COMMD1: variants seen among roughly 807,000 people sequenced by gnomAD.
COMMD1 encodes COMM domain-containing protein 1.
COMMD1 carries 10 observed loss-of-function variants against 17.2 expected under a neutral mutation model. The observed-to-expected ratio is 0.58, with a 90% CI of 0.36 to 0.99. The LOEUF is 0.99. Among genes scored for constraint, COMMD1 ranks in the 50% least tolerant of loss-of-function variants. The pLI is 0.01. For missense variants in COMMD1, 270 were observed against 231.8 expected, an observed-to-expected ratio of 1.17 and a Z score of -1.07; for synonymous variants, 97 against 91.6, an observed-to-expected ratio of 1.06 and a Z score of -0.34.
At chr2:62,031,022 A>G (rs1669895900) in intron 2 of COMMD1, among the ~76,000 whole-genome samples, 1 of 152,210 alleles carries the variant, frequency 6.6e-6, no homozygotes, top group Non-Finnish European at 1.5e-5. Context: ...ATCATTAAAT[A>G]GAATTCCAAA....
At chr2:62,084,778 A>T (rs928021003) in intron 2 of COMMD1, 3 of 152,232 alleles carry the variant, frequency 2.0e-5, no homozygotes, top group African/African-American at 7.2e-5. Flanking sequence ...CATCACTGTT[A>T]TAACTGGCCT....
At chr2:62,135,737 T>G (rs556594260) in intron 2 of COMMD1, 94 bp from the exon 3 acceptor site, 1 of 760,308 alleles carries the variant, frequency 1.3e-6, no homozygotes, top group African/African-American at 1.7e-5. Flanking sequence ...CTGGGCTTGC[T>G]GGATTGGGAC....
At chr2:61,898,233 T>C (rs1272761099) in intron 1 of COMMD1, among the ~76,000 whole-genome samples, 3 of 152,174 alleles carry the variant, frequency 2.0e-5, no homozygotes, top group Non-Finnish European at 4.4e-5. Context: ...CACAGCAGTT[T>C]GGGAGGTCAA....
intron 1 of COMMD1, among the ~76,000 whole-genome samples, chr2:61,971,570 T>C (rs1203676817): frequency 6.6e-6 from 1 of 151,936 alleles, no homozygotes; most frequent in Non-Finnish European, 1.5e-5. Flanking sequence ...GTACTATGAA[T>C]TAAAGAATAA....
At chr2:62,008,317 C>T (rs1030512004) in intron 2 of COMMD1, among the ~76,000 whole-genome samples, 2 of 152,106 alleles carry the variant, frequency 1.3e-5, no homozygotes, top group Non-Finnish European at 2.9e-5. Context: ...AAGTTGCGTG[C>T]ACATGCACAC....
At chr2:61,982,464 G>T (rs1025375110) in intron 1 of COMMD1, among the ~76,000 whole-genome samples, 1 of 152,046 alleles carries the variant, frequency 6.6e-6, no homozygotes, top group Non-Finnish European at 1.5e-5. Context: ...TTCCAATTTG[G>T]ATGCCCTTTA....
chr2:62,060,892 T>C (rs1486487924), intron 2 of COMMD1, among the ~76,000 whole-genome samples: 1 of 152,158 alleles, frequency 6.6e-6, no homozygotes, highest in African/African-American at 2.4e-5. Flanking sequence ...AGGCTCTGTT[T>C]TTTTCCCCCA....
At chr2:61,903,787 C>T (rs72891740), upstream of COMMD1, among the ~76,000 whole-genome samples, 20,655 of 151,944 alleles carry the variant, frequency 0.14, 1,490 homozygotes, top group East Asian at 0.21. Flanking sequence ...GGTGATCCAC[C>T]CACCTCAGCC....
At chr2:61,964,874 A>C (rs1671466511) in intron 1 of COMMD1, among the ~76,000 whole-genome samples, 1 of 152,080 alleles carries the variant, frequency 6.6e-6, no homozygotes, top group South Asian at 2.1e-4. Context: ...CCCTGTCTCT[A>C]GTAATACAAA....
chr2:62,129,794 G>C (rs1438936553), intron 2 of COMMD1, among the ~76,000 whole-genome samples: 5 of 152,170 alleles, frequency 3.3e-5, no homozygotes, highest in Admixed American at 1.3e-4. Context: ...GACAGTTGCA[G>C]AGTTGTGGGT....
At chr2:61,888,479 C>G, upstream of COMMD1, 1 of 1,612,004 alleles carries the variant, frequency 6.2e-7, no homozygotes, top group African/African-American at 1.3e-5. Flanking sequence ...GGCAGTCGCC[C>G]CGCTCCGGGG....
intron 2 of COMMD1, among the ~76,000 whole-genome samples, chr2:62,124,308 A>G (rs116509966): frequency 0.021 from 3,136 of 152,226 alleles, 112 homozygotes; most frequent in African/African-American, 0.073. Context: ...CAGTAAATAA[A>G]TAAATAAATA....
chr2:61,999,546 ATGTAAGAT>A (rs1405402892), intron 1 of COMMD1, among the ~76,000 whole-genome samples: 4 of 152,298 alleles, frequency 2.6e-5, no homozygotes, highest in South Asian at 2.1e-4. Context: ...TTGTGAAATT[ATGTAAGAT>A]TTTATCAAAC....
rs565468872 is a variant in COMMD1 at position 61,980,870 on chromosome 2, C to T, written c.181-19831C>T. 7.9e-5 allele frequency among the ~76,000 whole-genome samples: 12 copies of T among 152,264 alleles called. No homozygotes were observed. The East Asian group carries it at 2.3e-3, about 29-fold the overall frequency. Reference sequence around the variant, plus strand: ...TTTTAACTGGGGTAGGATGATGTCTCACTATAGTTTTGATTTGCATTTCTT... The same window carrying T: ...TTTTAACTGGGGTAGGATGATGTCTTACTATAGTTTTGATTTGCATTTCTT... On this transcript the variant is annotated intron_variant, in intron 1 of 2. Transcript: ENST00000311832.
At chr2:61,927,723 G>A (rs770620977) in intron 1 of COMMD1, among the ~76,000 whole-genome samples, 40 of 151,904 alleles carry the variant, frequency 2.6e-4, no homozygotes, top group African/African-American at 5.3e-4. Flanking sequence ...GATTTGTAGC[G>A]TTGTCTGTTG....
chr2:61,956,515 T>G (rs899834202), intron 1 of COMMD1, among the ~76,000 whole-genome samples: 2 of 151,806 alleles, frequency 1.3e-5, no homozygotes, highest in South Asian at 2.1e-4. Flanking sequence ...GTTCAAGCAA[T>G]TTTCCTGCCT....
At chr2:61,932,197 T>C (rs557330253) in intron 1 of COMMD1, among the ~76,000 whole-genome samples, 16 of 152,210 alleles carry the variant, frequency 1.1e-4, no homozygotes, top group Admixed American at 3.9e-4. Context: ...AATTATTCTC[T>C]AACAGTAATG....
At chr2:62,120,717 C>A (rs936151072) in intron 2 of COMMD1, among the ~76,000 whole-genome samples, 8 of 151,998 alleles carry the variant, frequency 5.3e-5, no homozygotes, top group Admixed American at 5.2e-4. Context: ...ACAGAAAATT[C>A]TTTTTTCTTT....
chr2:62,042,027 C>G (rs1243807174), intron 2 of COMMD1, among the ~76,000 whole-genome samples: 1 of 152,218 alleles, frequency 6.6e-6, no homozygotes, highest in Non-Finnish European at 1.5e-5. Context: ...GCCCCACCCA[C>G]ATCCTACTGA....
Sources: allele counts gnomAD v4.1 joint callset (sites outside exome capture counted in the v4.1 genomes callset), GRCh38; gene constraint gnomAD v4.1.1; transcripts MANE v1.5; gene names NCBI Gene and HGNC (gene_info 2026-07-23, HGNC 2026-07-21).